The following IQCB1 variants were observed in gnomAD, a reference collection of about 807,000 sequenced individuals.
IQCB1 encodes the protein IQ motif containing B1.
In IQCB1, 56 loss-of-function variants were observed where a neutral mutation model predicts 84.4. The observed-to-expected ratio is 0.66, with a 90% CI of 0.54 to 0.83. IQCB1 has a LOEUF of 0.83. Ranked by LOEUF, IQCB1 falls within the 40% of genes least tolerant of loss-of-function variation. The pLI, the probability that IQCB1 is intolerant of heterozygous loss-of-function variation, is 0.00. For synonymous variants in IQCB1, 210 were observed against 234.8 expected, an observed-to-expected ratio of 0.89 and a Z score of 0.96; for missense variants, 629 against 682.1, an observed-to-expected ratio of 0.92 and a Z score of 0.87.
In IQCB1 at chr3:121,811,662, G is replaced by A. The variant is rs116635573; in HGVS notation, c.394-2653C>T. Among the ~76,000 whole-genome samples the A allele has an allele frequency of 4.2e-3, 640 of 152,262 alleles. 5 individuals carry two copies. The highest frequency in any genetic ancestry group is 9.7e-3 in the Admixed American group (149 of 15,310). ...TGTTAAGGAAGCCACTGGGAAGTTT[G>A]GACTGGGTGGAACTCACTGCAGCAC... On this transcript the variant is annotated intron_variant, in intron 5 of 14. Coordinates refer to ENST00000310864, the MANE Select transcript of IQCB1 (RefSeq NM_001023570.4).
chr3:121,791,911 C>T (rs909644172), intron 10 of IQCB1, among the ~76,000 whole-genome samples: 1 of 151,888 alleles, frequency 6.6e-6, no homozygotes, highest in East Asian at 1.9e-4. Flanking sequence ...GCCAACATAG[C>T]GAAACCCCAT....
rs753164790 is a variant in IQCB1 at position 121,807,455 on chromosome 3, G to GAAAAAA, written c.488-18_488-13dup. ...ATCACTTTGTAGTACTAAAGGAAAA[G>GAAAAAA]AAAAAAAAAGAAAGATTAAAGTAAA... On this transcript the variant is annotated splice_polypyrimidine_tract_variant and intron_variant, in intron 6 of 14. Coordinates refer to ENST00000310864, the MANE Select transcript of IQCB1 (RefSeq NM_001023570.4). 8.5e-7 allele frequency: 1 copy of GAAAAAA among 1,181,952 alleles called. No individual in the cohort carries two copies. The highest frequency in any genetic ancestry group is 1.3e-6 in the Non-Finnish European group (1 of 799,744). The allele number at this position is 1,181,952 out of a possible 1,614,324, so 73.2% of individuals were successfully genotyped here. A position where few individuals can be genotyped will look rare whatever the true frequency, so the allele number is the denominator to read the frequency against.
chr3:121,807,721 C>T (rs926422566), intron 6 of IQCB1, among the ~76,000 whole-genome samples: 1 of 151,886 alleles, frequency 6.6e-6, no homozygotes, highest in East Asian at 1.9e-4. Flanking sequence ...ATATCATATC[C>T]TAAATCTGAA....
chr3:121,804,387 G>A (rs562320392), intron 7 of IQCB1, among the ~76,000 whole-genome samples: 1 of 152,182 alleles, frequency 6.6e-6, no homozygotes, highest in African/African-American at 2.4e-5. Context: ...TCTTTGTGTA[G>A]ATGAATTTCC....
At chr3:121,800,549 C>G (rs1461216116) in intron 7 of IQCB1, among the ~76,000 whole-genome samples, 3 of 151,844 alleles carry the variant, frequency 2.0e-5, no homozygotes, top group African/African-American at 7.2e-5. Flanking sequence ...ATGCTATTCC[C>G]TATGCCTAGG....
intron 7 of IQCB1, among the ~76,000 whole-genome samples, chr3:121,804,899 T>C (rs1949548561): frequency 1.3e-5 from 2 of 152,194 alleles, no homozygotes; most frequent in Non-Finnish European, 2.9e-5. Context: ...TTCTTTCCTC[T>C]TGTTTCTTCT....
At chr3:121,827,484 G>A (rs1009050787) in intron 4 of IQCB1, among the ~76,000 whole-genome samples, 1 of 151,926 alleles carries the variant, frequency 6.6e-6, no homozygotes, top group Non-Finnish European at 1.5e-5. Context: ...TCAGAAACAT[G>A]GGAATTTCTT....
chr3:121,787,320 A>G (rs983539834), intron 12 of IQCB1, among the ~76,000 whole-genome samples: 1 of 152,246 alleles, frequency 6.6e-6, no homozygotes, highest in African/African-American at 2.4e-5. Context: ...AAATCCTAAT[A>G]TGAAAGTTAA....
At chr3:121,788,561 A>T in intron 11 of IQCB1, 129 bp from the exon 12 acceptor site, 1 of 942,322 alleles carries the variant, frequency 1.1e-6, no homozygotes. Context: ...TAATTTTCCC[A>T]ATTCTACTAT....
chr3:121,827,553 C>T (rs561693379), intron 4 of IQCB1, among the ~76,000 whole-genome samples: 1 of 152,004 alleles, frequency 6.6e-6, no homozygotes, highest in African/African-American at 2.4e-5. Context: ...ACTAGCATAT[C>T]GAATCAAAAC....
chr3:121,775,155 C>T (rs1277922192), intron 13 of IQCB1, among the ~76,000 whole-genome samples: 1 of 152,184 alleles, frequency 6.6e-6, no homozygotes, highest in East Asian at 1.9e-4. Flanking sequence ...CCTCTGCTCA[C>T]AGGAAAAATC....
At chr3:121,787,174 T>C (rs6783781) in intron 12 of IQCB1, among the ~76,000 whole-genome samples, 97,466 of 151,464 alleles carry the variant, frequency 0.64, 31,844 homozygotes, top group African/African-American at 0.71. Flanking sequence ...TATTCTACAA[T>C]GTTTTTTGGA....
intron 5 of IQCB1, among the ~76,000 whole-genome samples, chr3:121,813,597 A>G (rs1949923066): frequency 6.6e-6 from 1 of 152,336 alleles, no homozygotes; most frequent in South Asian, 2.1e-4. Flanking sequence ...GCAAATGGAA[A>G]GCAAAAAAAA....
chr3:121,830,142 T>C (rs958947699), intron 2 of IQCB1, among the ~76,000 whole-genome samples: 4 of 151,820 alleles, frequency 2.6e-5, no homozygotes, highest in African/African-American at 7.3e-5. Flanking sequence ...GAGGTGGAGG[T>C]TGAGTGACCT....
At chr3:121,795,361 C>A in intron 10 of IQCB1, 96 bp downstream of exon 10, 1 of 771,890 alleles carries the variant, frequency 1.3e-6, no homozygotes, top group Middle Eastern at 3.6e-4. Flanking sequence ...TAACAAGAAA[C>A]ATACTAGGAA....
chr3:121,777,461 T>C (rs1282276882), intron 13 of IQCB1, among the ~76,000 whole-genome samples: 4 of 152,206 alleles, frequency 2.6e-5, no homozygotes, highest in Non-Finnish European at 5.9e-5. Context: ...TAAACATATA[T>C]AAATGTAGAA....
chr3:121,801,396 C>T (rs930701432), intron 7 of IQCB1, among the ~76,000 whole-genome samples: 1 of 152,024 alleles, frequency 6.6e-6, no homozygotes, highest in Non-Finnish European at 1.5e-5. Context: ...CTATACTCAA[C>T]ATAACCAACA....
chr3:121,825,424 T>C (rs1359590878), intron 5 of IQCB1, among the ~76,000 whole-genome samples: 1 of 151,990 alleles, frequency 6.6e-6, no homozygotes, highest in Non-Finnish European at 1.5e-5. Context: ...ATAAAACAAG[T>C]CTGAAAAAAT....
chr3:121,773,934 C>T (rs4676747), intron 13 of IQCB1, among the ~76,000 whole-genome samples: 96,939 of 150,868 alleles, frequency 0.64, 31,545 homozygotes, highest in African/African-American at 0.71. Flanking sequence ...AATTAAAAAC[C>T]TTGGTGCACC....
Sources: gnomAD v4.1 joint callset for allele counts (sites outside exome capture counted in the v4.1 genomes callset) on GRCh38, gnomAD v4.1.1 for gene constraint, MANE v1.5 for transcripts, NCBI Gene and HGNC (gene_info 2026-07-23, HGNC 2026-07-21) for gene names.